Variants in DLGAP1 observed in about 807,000 individuals in gnomAD.
The protein encoded by DLGAP1 is disks large-associated protein 1.
Under a neutral mutation model 90.8 loss-of-function variants are expected in DLGAP1, and 11 were observed. The ratio of observed to expected loss-of-function variants is 0.12; its 90% CI spans 0.08 to 0.20. The LOEUF is 0.20. DLGAP1 is among the 10% of genes least tolerant of loss of function. DLGAP1 has a pLI of 1.00. For synonymous variants in DLGAP1, 558 were observed against 540.7 expected (o/e 1.03, Z -0.44); for missense variants, 1,050 against 1,333.8 (o/e 0.79, Z 3.31).
intron 1 of DLGAP1, among the ~76,000 whole-genome samples, chr18:4,429,260 C>T (rs928630302): frequency 9.9e-5 from 15 of 152,048 alleles, no homozygotes; most frequent in East Asian, 1.9e-4. Flanking sequence ...TTAATTAATT[C>T]GACATTATCA....
At chr18:3,807,864 CTA>C (rs1398152581) in intron 5 of DLGAP1, among the ~76,000 whole-genome samples, 3 of 152,220 alleles carry the variant, frequency 2.0e-5, no homozygotes, top group African/African-American at 7.2e-5. Context: ...TCTCTCCTCT[CTA>C]TAGTCATGAT....
At chr18:4,187,724 G>C (rs9952783) in intron 1 of DLGAP1, among the ~76,000 whole-genome samples, 2 of 152,082 alleles carry the variant, frequency 1.3e-5, no homozygotes, top group African/African-American at 4.8e-5. Context: ...TCAGCTGGGC[G>C]TGGTGGCTCA....
chr18:4,137,212 C>T (rs2076419523), intron 2 of DLGAP1, among the ~76,000 whole-genome samples: 1 of 152,126 alleles, frequency 6.6e-6, no homozygotes, highest in South Asian at 2.1e-4. Context: ...CATCCATGTA[C>T]CTACAAAGGA....
At chr18:3,649,218 AC>A (rs765082323) in intron 7 of DLGAP1, among the ~76,000 whole-genome samples, 6 of 152,162 alleles carry the variant, frequency 3.9e-5, no homozygotes, top group Non-Finnish European at 8.8e-5. Context: ...TTGCCTGAAA[AC>A]CTTTCCTCTC....
chr18:4,351,068 T>G (rs2081393919), intron 1 of DLGAP1, among the ~76,000 whole-genome samples: 1 of 152,180 alleles, frequency 6.6e-6, no homozygotes, highest in African/African-American at 2.4e-5. Context: ...AGCATAAAGA[T>G]TAAATTGGCT....
At chr18:3,897,921 A>C (rs1232064143) in intron 3 of DLGAP1, among the ~76,000 whole-genome samples, 3 of 150,806 alleles carry the variant, frequency 2.0e-5, no homozygotes, top group East Asian at 2.0e-4. Flanking sequence ...CAGCCTCCCG[A>C]GTAGCTGGGA....
At chr18:3,800,999 A>T (rs988046893) in intron 5 of DLGAP1, among the ~76,000 whole-genome samples, 1 of 152,154 alleles carries the variant, frequency 6.6e-6, no homozygotes, top group African/African-American at 2.4e-5. Context: ...GCTTCTGGTG[A>T]GTCTTCAGGA....
At position 4,357,311 on chromosome 18, in the gene DLGAP1, G is replaced by A. The variant is rs540101714; in HGVS notation, c.-267+97695C>T. Among the ~76,000 whole-genome samples the A allele has an allele frequency of 4.0e-5, 6 of 151,714 alleles. No individual in the cohort carries two copies. In the South Asian group the frequency reaches 1.3e-3, roughly 32 times the overall value. Reference sequence around the variant, plus strand: ...TGGGATGATAGGTGTGTGCCACCACGCCTGGCTAATTTTTGTATTTTTAGT... The same window carrying A: ...TGGGATGATAGGTGTGTGCCACCACACCTGGCTAATTTTTGTATTTTTAGT... On this transcript the variant is annotated intron_variant, in intron 1 of 12. Transcript: ENST00000315677.
intron 3 of DLGAP1, among the ~76,000 whole-genome samples, chr18:3,946,804 T>C (rs1404458249): frequency 6.6e-6 from 1 of 152,154 alleles, no homozygotes; most frequent in African/African-American, 2.4e-5. Flanking sequence ...ATGATCTGAG[T>C]CACTGCTAAA....
chr18:3,520,709 A>T (rs1425579428), intron 10 of DLGAP1, among the ~76,000 whole-genome samples: 1 of 152,194 alleles, frequency 6.6e-6, no homozygotes, highest in East Asian at 1.9e-4. Context: ...TGAGAAAATT[A>T]ATTTCTCCTG....
At chr18:4,130,677 C>A (rs984949608) in intron 2 of DLGAP1, among the ~76,000 whole-genome samples, 2 of 152,088 alleles carry the variant, frequency 1.3e-5, no homozygotes, top group African/African-American at 4.8e-5. Flanking sequence ...CACACATACA[C>A]ACAGAACATG....
rs1026510567 is a variant in DLGAP1, at chr18:4,298,470, G to A, written c.-266-147183C>T. ...AAAAAATGATGAGTTCATGTCCTTT[G>A]TAGGGACATGGATGAAATTGGAAAT... On this transcript the variant is annotated intron_variant, in intron 1 of 12. Coordinates refer to ENST00000315677, the MANE Select transcript of DLGAP1 (RefSeq NM_004746.4). 2.0e-4 allele frequency among the ~76,000 whole-genome samples: 31 copies of A among 152,308 alleles called. 2 individuals are homozygous for A. Among genetic ancestry groups the A allele is most frequent in the Admixed American group, 1.7e-3 (26 of 15,296 alleles).
intron 5 of DLGAP1, among the ~76,000 whole-genome samples, chr18:3,809,757 TA>T (rs931358455): frequency 4.6e-5 from 7 of 152,252 alleles, no homozygotes; most frequent in African/African-American, 1.7e-4. Context: ...CAGAATCTTT[TA>T]AATGACACCC....
intron 2 of DLGAP1, among the ~76,000 whole-genome samples, chr18:4,075,202 T>C (rs984214287): frequency 6.6e-6 from 1 of 152,210 alleles, no homozygotes; most frequent in Admixed American, 6.5e-5. Flanking sequence ...GGCAACAGTT[T>C]CTCCAGATAT....
chr18:4,074,588 A>G (rs897117310), intron 2 of DLGAP1, among the ~76,000 whole-genome samples: 7 of 152,132 alleles, frequency 4.6e-5, no homozygotes, highest in Non-Finnish European at 8.8e-5. Context: ...TCAGCCACTT[A>G]TGTCATCATG....
At chr18:4,317,225 T>C (rs962382675) in intron 1 of DLGAP1, among the ~76,000 whole-genome samples, 6 of 152,224 alleles carry the variant, frequency 3.9e-5, no homozygotes, top group African/African-American at 1.4e-4. Flanking sequence ...TTACCACCTG[T>C]TGGGACACCT....
chr18:4,175,821 T>G (rs2144620650), intron 1 of DLGAP1, among the ~76,000 whole-genome samples: 1 of 152,344 alleles, frequency 6.6e-6, no homozygotes, highest in African/African-American at 2.4e-5. Context: ...GCTGTTTTGG[T>G]TACTGTAACC....
chr18:4,048,148 C>CGATA (rs1197273572), intron 2 of DLGAP1, among the ~76,000 whole-genome samples: 4 of 152,092 alleles, frequency 2.6e-5, no homozygotes, highest in African/African-American at 9.7e-5. Flanking sequence ...TCTCGACTAT[C>CGATA]CCATGTTCAT....
chr18:4,381,032 A>G (rs764007601), intron 1 of DLGAP1, among the ~76,000 whole-genome samples: 2 of 152,150 alleles, frequency 1.3e-5, no homozygotes, highest in African/African-American at 4.8e-5. Context: ...TTTCCAACCA[A>G]CCATCATTAA....
Sources: gnomAD v4.1 joint callset for allele counts (sites outside exome capture counted in the v4.1 genomes callset) on GRCh38, gnomAD v4.1.1 for gene constraint, MANE v1.5 for transcripts, NCBI Gene and HGNC (gene_info 2026-07-23, HGNC 2026-07-21) for gene names.